AHR: variants seen among roughly 807,000 people sequenced by gnomAD.
AHR encodes aryl hydrocarbon receptor.
In AHR, 40 loss-of-function variants were observed where a neutral mutation model predicts 86.8. The observed-to-expected ratio is 0.46, with a 90% CI of 0.36 to 0.60. The LOEUF is 0.60. AHR is among the 20% of genes least tolerant of loss of function. The pLI is 0.00. For missense variants in AHR, 1,001 were observed against 1,011.6 expected (o/e 0.99, Z 0.14); for synonymous variants, 398 against 354.9 (o/e 1.12, Z -1.37).
intron 1 of AHR, among the ~76,000 whole-genome samples, chr7:17,304,255 C>T (rs1007670134): frequency 2.0e-5 from 3 of 152,138 alleles, no homozygotes; most frequent in Non-Finnish European, 1.5e-5. Flanking sequence ...TCTTGTCTCA[C>T]TTTAACCTTT....
At chr7:17,303,409 C>T (rs1380714534) in intron 1 of AHR, among the ~76,000 whole-genome samples, 1 of 152,000 alleles carries the variant, frequency 6.6e-6, no homozygotes, top group Non-Finnish European at 1.5e-5. Context: ...CAGCCATATC[C>T]TAGGGATTTT....
intron 2 of AHR, 25 bp downstream of exon 2, chr7:17,310,148 C>T: frequency 6.3e-7 from 1 of 1,585,398 alleles, no homozygotes; most frequent in Non-Finnish European, 8.6e-7. Context: ...TTTAATTTGT[C>T]TACAATAACG....
intron 2 of AHR, among the ~76,000 whole-genome samples, chr7:17,310,753 C>G (rs1313504728): frequency 6.6e-6 from 1 of 152,126 alleles, no homozygotes; most frequent in Non-Finnish European, 1.5e-5. Context: ...CCAGGCTGCT[C>G]TCAAACTCCT....
intron 8 of AHR, among the ~76,000 whole-genome samples, chr7:17,335,431 G>T (rs1316236828): frequency 6.6e-6 from 1 of 151,626 alleles, no homozygotes; most frequent in Non-Finnish European, 1.5e-5. Flanking sequence ...GAATTGTTTG[G>T]TACATAATCT....
At chr7:17,335,924 C>T (rs1173049599) in intron 9 of AHR, 138 bp downstream of exon 9, 8 of 829,882 alleles carry the variant, frequency 9.6e-6, no homozygotes, top group Middle Eastern at 3.1e-4. Context: ...AAGAAGAGCA[C>T]AGGTGAGAGA....
chr7:17,322,377 A>G (rs532007284), intron 2 of AHR, 124 bp from the exon 3 acceptor site: 2 of 647,846 alleles, frequency 3.1e-6, no homozygotes, highest in East Asian at 2.7e-5. Context: ...TTTTAGCCAA[A>G]TACTAAAAAT....
At chr7:17,321,594 T>C (rs11520698) in intron 2 of AHR, among the ~76,000 whole-genome samples, 31 of 147,726 alleles carry the variant, frequency 2.1e-4, no homozygotes, top group Non-Finnish European at 2.9e-4. Context: ...ACCACACACA[T>C]ACACACACAC....
chr7:17,334,910 C>T lies in AHR; in HGVS notation c.932C>T (p.Thr311Ile). The change falls in exon 8 of 11, where the codon ACT becomes ATT. Residue 311 changes from threonine to isoleucine, a missense_variant. Physicochemically the swap from Thr to Ile is moderately conservative, Grantham distance 89. Coordinates refer to ENST00000242057, the MANE Select transcript of AHR (RefSeq NM_001621.5). Reference sequence around the variant, plus strand: ...AGAGGAAGAATTGTTTTAGGATATACTGAAGCAGAGCTGTGCACGAGAGGC... The same window carrying T: ...AGAGGAAGAATTGTTTTAGGATATATTGAAGCAGAGCTGTGCACGAGAGGC... Reference protein sequence around the residue: ...DAKGRIVLGYTEAELCTRGSG... With the variant: ...DAKGRIVLGYIEAELCTRGSG... 6.2e-7 allele frequency: 1 copy of T among 1,611,736 alleles called. No individual in the cohort carries two copies. Among genetic ancestry groups the T allele is most frequent in the Non-Finnish European group, 8.5e-7 (1 of 1,178,658 alleles).
At position 17,340,043 on chromosome 7, in the gene AHR, A is replaced by T. The variant is rs1782402592; in HGVS notation, c.2218A>T (p.Thr740Ser). 6.2e-7 allele frequency: 1 copy of T among 1,614,046 alleles called. No individual in the cohort carries two copies. Among genetic ancestry groups the T allele is most frequent in the Non-Finnish European group, 8.5e-7 (1 of 1,180,042 alleles). ...PTTSSLEDFV[T>S]CLQLPENQKH... ...TACTTCTAGTTTAGAAGATTTTGTCACTTGTTTACAACTTCCTGAAAACCA... is the reference window on the plus strand; with the variant it reads ...TACTTCTAGTTTAGAAGATTTTGTCTCTTGTTTACAACTTCCTGAAAACCA... Residue 740 changes from threonine (T) to serine (S), a missense_variant, in exon 10 of 11, where the codon ACT becomes TCT. By Grantham distance (58) the Thr-to-Ser change is moderately conservative (BLOSUM62 1). Coordinates refer to ENST00000242057, the MANE Select transcript of AHR (RefSeq NM_001621.5).
rs535842744 is a variant in AHR at position 17,315,009 on chromosome 7, T to C, written c.253+4886T>C. Among the ~76,000 whole-genome samples, 3 of 152,212 alleles carry C rather than the reference T, an allele frequency of 2.0e-5. No homozygotes were observed. The South Asian group carries it at 6.2e-4, about 31-fold the overall frequency. ...ATCTTAAATGGTGATTTAACTGTTA[T>C]CTTTTTTCCTAATTCACATTTTAAA... On this transcript the variant is annotated intron_variant, in intron 2 of 10. Transcript: ENST00000242057.
rs976565624 is a variant in AHR at position 17,334,824 on chromosome 7, T to G, written c.909-63T>G. 11 of 1,171,584 alleles carry G rather than the reference T, an allele frequency of 9.4e-6. No individual in the cohort carries two copies. The African/African-American group carries it at 1.5e-4, about 16-fold the overall frequency. The allele number at this position is 1,171,584 out of a possible 1,614,324, so 72.6% of individuals were successfully genotyped here. On this transcript the variant is annotated intron_variant, in intron 7 of 10. Coordinates refer to ENST00000242057, the MANE Select transcript of AHR (RefSeq NM_001621.5). ...TAGCGTAAAACCAATGAATTTATCT[T>G]GGTTATTTCATTTATGTTAAATCTT...
chr7:17,302,578 A>G (rs1781965531), intron 1 of AHR, among the ~76,000 whole-genome samples: 1 of 151,958 alleles, frequency 6.6e-6, no homozygotes, highest in Admixed American at 6.6e-5. Flanking sequence ...CATAGTAGTT[A>G]TGGACACTTG....
Position 17,298,862 on chromosome 7 carries a change from G to C in AHR, c.-403G>C, listed in dbSNP as rs571369457. On this transcript the variant is annotated 5_prime_UTR_variant, in exon 1 of 11. Transcript: ENST00000242057. ...CCCTCACCCAAGGGGCCGCGGCGACGGTCACGGGGCGCGGCGCCACCGTGA... is the reference window on the plus strand; with the variant it reads ...CCCTCACCCAAGGGGCCGCGGCGACCGTCACGGGGCGCGGCGCCACCGTGA... The C allele has an allele frequency of 2.1e-3, 850 of 398,268 alleles. 4 individuals are homozygous for C. The highest frequency in any genetic ancestry group is 6.3e-3 in the Middle Eastern group (10 of 1,584). 24.7% of individuals were successfully genotyped at this position (398,268 alleles called of 1,614,324 possible).
At chr7:17,342,491 T>G (rs759488817) in intron 10 of AHR, among the ~76,000 whole-genome samples, 30 of 152,248 alleles carry the variant, frequency 2.0e-4, no homozygotes, top group Non-Finnish European at 3.5e-4. Context: ...TTTGGAAAAG[T>G]TTTGCATTCC....
At chr7:17,335,141 G>T (rs1562481294) in intron 8 of AHR, 145 bp downstream of exon 8, 3 of 536,880 alleles carry the variant, frequency 5.6e-6, no homozygotes, top group East Asian at 5.9e-5. Context: ...ATTAACCAGG[G>T]TTACACTCTT....
At chr7:17,336,591 G>C (rs1381972583) in intron 9 of AHR, among the ~76,000 whole-genome samples, 1 of 152,044 alleles carries the variant, frequency 6.6e-6, no homozygotes, top group African/African-American at 2.4e-5. Flanking sequence ...TTGAGATTTT[G>C]AGTGCAATTA....
intron 10 of AHR, 145 bp downstream of exon 10, chr7:17,340,373 C>CTTT: frequency 4.4e-6 from 4 of 905,584 alleles, no homozygotes; most frequent in South Asian, 2.6e-5. Flanking sequence ...CTGTGACTAC[C>CTTT]TTTTTTTTTT....
At chr7:17,309,532 C>G (rs1256764486) in intron 1 of AHR, among the ~76,000 whole-genome samples, 1 of 152,164 alleles carries the variant, frequency 6.6e-6, no homozygotes, top group Admixed American at 6.5e-5. Context: ...TGCTGAGATG[C>G]TTCCTGTGGA....
chr7:17,326,493 G>T lies in AHR; in HGVS notation c.361-1266G>T, dbSNP rs560609563. Among the ~76,000 whole-genome samples, 59 of 152,258 alleles carry T rather than the reference G, an allele frequency of 3.9e-4. 1 individual carries two copies. Among genetic ancestry groups the T allele is most frequent in the African/African-American group, 1.2e-3 (51 of 41,548 alleles). Reference sequence around the variant, plus strand: ...ATAGTTTATTACGTGTTGAATAAATGAATCACTATTATTTATATAGCTCTT... The same window carrying T: ...ATAGTTTATTACGTGTTGAATAAATTAATCACTATTATTTATATAGCTCTT... On this transcript the variant is annotated intron_variant, in intron 3 of 10. Transcript: ENST00000242057.
Sources: allele counts gnomAD v4.1 joint callset (sites outside exome capture counted in the v4.1 genomes callset), GRCh38; gene constraint gnomAD v4.1.1; transcripts MANE v1.5; gene names NCBI Gene and HGNC (gene_info 2026-07-23, HGNC 2026-07-21).